The following ZNF346 variants were observed in gnomAD, a reference collection of about 807,000 sequenced individuals.
The protein encoded by ZNF346 is zinc finger protein 346.
A neutral mutation model predicts 33.7 loss-of-function variants in ZNF346; 23 were observed. The ratio of observed to expected loss-of-function variants is 0.68; its 90% CI spans 0.49 to 0.97. The LOEUF (loss-of-function observed/expected upper bound fraction) is 0.97, where lower values mean the gene tolerates loss of function less well. ZNF346 is among the 50% of genes least tolerant of loss of function. The pLI, the probability that ZNF346 is intolerant of heterozygous loss-of-function variation, is 0.00. For missense variants in ZNF346, 340 were observed against 371.1 expected, an observed-to-expected ratio of 0.92 and a Z score of 0.69; for synonymous variants, 134 against 142.4, an observed-to-expected ratio of 0.94 and a Z score of 0.42.
intron 1 of ZNF346, 34 bp downstream of exon 1, chr5:177,022,947 C>T (rs1776032271): frequency 1.4e-6 from 2 of 1,447,090 alleles, no homozygotes; most frequent in African/African-American, 2.9e-5. Flanking sequence ...GAAAGCCCCT[C>T]GCCCGCTGCG....
In ZNF346 at chr5:177,022,780, C is replaced by T. The variant is rs1252514269; in HGVS notation, c.42C>T (p.Gly14=). The T allele has an allele frequency of 2.6e-6, 4 of 1,549,402 alleles. No homozygotes were observed. The highest frequency in any genetic ancestry group is 2.0e-5 in the Admixed American group (1 of 50,946). The change falls in exon 1 of 7, where the codon GGC becomes GGT. Residue 14 remains glycine, a synonymous_variant. Transcript: ENST00000358149. The part of the protein sequence containing the change: ...PAPATVQAAD[G]GAAGPYSSSE... ...CGGCCACGGTGCAGGCCGCGGACGG[C>T]GGAGCGGCCGGGCCTTACAGCAGCT... is the stretch of plus-strand genomic sequence containing the variant.
intron 5 of ZNF346, among the ~76,000 whole-genome samples, chr5:177,059,386 T>C (rs1453203293): frequency 6.6e-6 from 1 of 152,182 alleles, no homozygotes; most frequent in African/African-American, 2.4e-5. Context: ...AAGTGTCTCA[T>C]GGCAAGTATG....
chr5:177,078,040 G>A (rs1052117340), intron 8 of ZNF346, among the ~76,000 whole-genome samples: 2 of 152,104 alleles, frequency 1.3e-5, no homozygotes, highest in South Asian at 2.1e-4. Context: ...CCAGCTACTC[G>A]GGTGGCTGAG....
At chr5:177,038,358 T>C (rs564426535) in intron 1 of ZNF346, among the ~76,000 whole-genome samples, 55 of 151,072 alleles carry the variant, frequency 3.6e-4, no homozygotes, top group African/African-American at 1.3e-3. Context: ...AGCAATCCTC[T>C]TGCCTCAGCC....
intron 1 of ZNF346, among the ~76,000 whole-genome samples, chr5:177,028,751 G>A (rs917924655): frequency 9.4e-6 from 1 of 105,920 alleles, no homozygotes; most frequent in Non-Finnish European, 1.7e-5. Flanking sequence ...ATGGAGTCTC[G>A]CTCTGTTGCC....
In ZNF346 at chr5:177,074,997, C is replaced by T. The variant is rs1488154354; in HGVS notation, c.*3-4385C>T. On this transcript the variant is annotated intron_variant, in intron 8 of 8. Transcript: ENST00000503039. Reference sequence around the variant, plus strand: ...AGGTGAATGGCATGAACCCAGGAGGCGAAGCTTGCAGTGAGCCGAGATCGC... The same window carrying T: ...AGGTGAATGGCATGAACCCAGGAGGTGAAGCTTGCAGTGAGCCGAGATCGC... 2.7e-5 allele frequency among the ~76,000 whole-genome samples: 4 copies of T among 150,742 alleles called. No homozygotes were observed. In the East Asian group the frequency reaches 7.8e-4, roughly 29 times the overall value.
chr5:177,064,188 G>A (rs1043561973), intron 6 of ZNF346, among the ~76,000 whole-genome samples: 1 of 152,212 alleles, frequency 6.6e-6, no homozygotes, highest in Admixed American at 6.5e-5. Context: ...CCTGTAGGCA[G>A]TGGTTTGGTA....
At chr5:177,041,527 A>G (rs1422551539) in intron 2 of ZNF346, among the ~76,000 whole-genome samples, 1 of 152,218 alleles carries the variant, frequency 6.6e-6, no homozygotes, top group Non-Finnish European at 1.5e-5. Flanking sequence ...TTGAGCAAGA[A>G]ACTTCATCAT....
At chr5:177,023,164 G>C (rs1776110776) in intron 1 of ZNF346, 1 of 1,535,642 alleles carries the variant, frequency 6.5e-7, no homozygotes, top group African/African-American at 1.4e-5. Flanking sequence ...CTACAGCGCA[G>C]TTTTTCCCAC....
intron 5 of ZNF346, among the ~76,000 whole-genome samples, chr5:177,057,746 A>G (rs1160187702): frequency 6.6e-6 from 1 of 151,868 alleles, no homozygotes; most frequent in Non-Finnish European, 1.5e-5. Context: ...TCAAAAAAAA[A>G]AAAAAGAAAA....
chr5:177,022,743 A>T lies in ZNF346; in HGVS notation c.5A>T (p.Glu2Val), dbSNP rs747060535. 1 of 1,552,600 alleles carries T rather than the reference A, an allele frequency of 6.4e-7. No individual in the cohort carries two copies. The highest frequency in any genetic ancestry group is 1.2e-5 in the South Asian group (1 of 84,658). ...CGGTGAGGGTTTGCGGGGAAGATGG[A>T]GTATCCCGCGCCGGCCACGGTGCAG... Reference protein sequence around the residue: MEYPAPATVQAA... With the variant: MVYPAPATVQAA... The change falls in exon 1 of 7, where the codon GAG becomes GTG. Residue 2 changes from glutamate to valine, a missense_variant. Glu to Val is a moderately radical substitution (Grantham distance 121). Coordinates refer to ENST00000358149, the MANE Select transcript of ZNF346 (RefSeq NM_012279.4).
At chr5:177,056,067 C>A (rs1223914264) in intron 5 of ZNF346, among the ~76,000 whole-genome samples, 1 of 138,492 alleles carries the variant, frequency 7.2e-6, no homozygotes, top group Non-Finnish European at 1.6e-5. Flanking sequence ...AAAAGCCAGA[C>A]TCCGTCTCAA....
intron 1 of ZNF346, among the ~76,000 whole-genome samples, chr5:177,035,722 G>A (rs1197783188): frequency 4.2e-5 from 6 of 141,904 alleles, no homozygotes; most frequent in African/African-American, 7.9e-5. Context: ...TGCAACCTCC[G>A]CCTCCTGGGT....
chr5:177,051,061 A>G (rs554264158), intron 5 of ZNF346, 125 bp downstream of exon 5: 7 of 673,980 alleles, frequency 1.0e-5, no homozygotes, highest in African/African-American at 1.8e-5. Context: ...TCAGATGGCT[A>G]CAGAAGCCAG....
chr5:177,066,251 G>A lies in ZNF346; in HGVS notation c.*1652G>A, dbSNP rs987310357. Among the ~76,000 whole-genome samples, 2 of 151,506 alleles carry A rather than the reference G, an allele frequency of 1.3e-5. No homozygotes were observed. The highest frequency in any genetic ancestry group is 2.9e-5 in the Non-Finnish European group (2 of 67,912). On this transcript the variant is annotated 3_prime_UTR_variant, in exon 7 of 7. Coordinates refer to ENST00000358149, the MANE Select transcript of ZNF346 (RefSeq NM_012279.4). ...GGTTTAAGCTGGGGATCTGCTTTAT[G>A]TTTGAGAGAACTGTTCTGGCTGTTA... is the stretch of plus-strand genomic sequence containing the variant.
At chr5:177,058,781 G>A (rs934202402) in intron 5 of ZNF346, among the ~76,000 whole-genome samples, 9 of 152,142 alleles carry the variant, frequency 5.9e-5, no homozygotes, top group Non-Finnish European at 1.2e-4. Context: ...CCAAGTGTAG[G>A]ATGTCTAGCA....
intron 8 of ZNF346, among the ~76,000 whole-genome samples, chr5:177,076,342 T>G (rs1783744217): frequency 6.6e-6 from 1 of 152,220 alleles, no homozygotes; most frequent in Non-Finnish European, 1.5e-5. Flanking sequence ...TGGCCAAATT[T>G]TAGTCAGGCT....
chr5:177,022,701 C>T lies in ZNF346; in HGVS notation c.-38C>T. 6.7e-7 allele frequency: 1 copy of T among 1,501,354 alleles called. No individual in the cohort carries two copies. The highest frequency in any genetic ancestry group is 8.8e-7 in the Non-Finnish European group (1 of 1,131,946). The allele number at this position is 1,501,354 out of a possible 1,614,324, so 93.0% of individuals were successfully genotyped here. ...CACCAAATCTCGCGATACCTAGGCG[C>T]CTGAGAGGCTCTCTACCGGTGAGGG... On this transcript the variant is annotated 5_prime_UTR_variant, in exon 1 of 7. Transcript: ENST00000358149.
At chr5:177,054,848 T>G (rs1029611338) in intron 5 of ZNF346, among the ~76,000 whole-genome samples, 1 of 152,138 alleles carries the variant, frequency 6.6e-6, no homozygotes, top group African/African-American at 2.4e-5. Context: ...CAGAAGGACC[T>G]CAAGTGAACT....
Sources: allele counts gnomAD v4.1 joint callset (sites outside exome capture counted in the v4.1 genomes callset), GRCh38; gene constraint gnomAD v4.1.1; transcripts MANE v1.5; gene names NCBI Gene and HGNC (gene_info 2026-07-23, HGNC 2026-07-21).